Variants in APPL1 observed in about 807,000 individuals in gnomAD.
APPL1 encodes the protein DCC-interacting protein 13-alpha.
In APPL1, 42 loss-of-function variants were observed where a neutral mutation model predicts 106.8. The observed-to-expected ratio is 0.39, with a 90% CI of 0.31 to 0.51. The LOEUF (loss-of-function observed/expected upper bound fraction) is 0.51. Ranked by LOEUF, APPL1 falls within the 20% of genes least tolerant of loss-of-function variation. APPL1 has a pLI of 0.75. For synonymous variants in APPL1, 263 were observed against 281.8 expected, an observed-to-expected ratio of 0.93 and a Z score of 0.67; for missense variants, 769 against 858.2, an observed-to-expected ratio of 0.90 and a Z score of 1.30.
chr3:57,253,861 G>GTT, intron 13 of APPL1, 123 bp downstream of exon 13: 1 of 555,858 alleles, frequency 1.8e-6, no homozygotes, highest in Non-Finnish European at 2.6e-6. Context: ...TGAATGAGTA[G>GTT]CTTTTTTTTT....
In APPL1 at chr3:57,227,834, G is replaced by A. The variant is rs749769502; in HGVS notation, c.-50G>A. 3.4e-4 allele frequency: 483 copies of A among 1,421,210 alleles called. No individual in the cohort carries two copies. The highest frequency in any genetic ancestry group is 4.2e-4 in the Non-Finnish European group (449 of 1,078,082). 88.0% of individuals were successfully genotyped at this position (1,421,210 alleles called of 1,614,324 possible). A position where few individuals can be genotyped will look rare whatever the true frequency, so the allele number is the denominator to read the frequency against. On this transcript the variant is annotated 5_prime_UTR_variant, in exon 1 of 22. Transcript: ENST00000288266. Reference sequence around the variant, plus strand: ...GCTGCGGCGGGCGGGCCGGCGCGGGGAGCTGTGGGCGGCAGCTGCGTCTCC... The same window carrying A: ...GCTGCGGCGGGCGGGCCGGCGCGGGAAGCTGTGGGCGGCAGCTGCGTCTCC...
rs1020532881 is a variant in APPL1 at position 57,266,972 on chromosome 3, C to T, written c.1843-770C>T. Reference sequence around the variant, plus strand: ...CCATGTGTCTTATTTTTATAACAATCCCCTGCTGTTTTGCTTACTATAGCC... The same window carrying T: ...CCATGTGTCTTATTTTTATAACAATTCCCTGCTGTTTTGCTTACTATAGCC... On this transcript the variant is annotated intron_variant, in intron 19 of 21. Transcript: ENST00000288266. Among the ~76,000 whole-genome samples, 4 of 152,270 alleles carry T rather than the reference C, an allele frequency of 2.6e-5. No individual in the cohort carries two copies. In the East Asian group the frequency reaches 7.7e-4, roughly 29 times the overall value.
intron 7 of APPL1, among the ~76,000 whole-genome samples, 166 bp from the exon 8 acceptor site, chr3:57,245,910 T>C (rs545882798): frequency 6.6e-6 from 1 of 152,308 alleles, no homozygotes; most frequent in South Asian, 2.1e-4. Flanking sequence ...ACCAGTATGT[T>C]GAAGGATTTC....
Position 57,259,793 on chromosome 3 carries a change from G to A in APPL1, c.1484-52G>A, listed in dbSNP as rs556239155. The A allele has an allele frequency of 1.3e-4, 174 of 1,353,078 alleles. 1 individual carries two copies. The South Asian group carries it at 2.6e-3, about 20-fold the overall frequency. 83.8% of individuals were successfully genotyped at this position (1,353,078 alleles called of 1,614,324 possible). A position where few individuals can be genotyped will look rare whatever the true frequency, so the allele number is the denominator to read the frequency against. ...AGAAATATGGCGAAAAAAATAAAATGTAAATTTATACAGTAAAAAAAAAAT... is the reference window on the plus strand; with the variant it reads ...AGAAATATGGCGAAAAAAATAAAATATAAATTTATACAGTAAAAAAAAAAT... On this transcript the variant is annotated intron_variant, in intron 16 of 21. Transcript: ENST00000288266.
At chr3:57,254,108 C>T (rs2060821348) in intron 13 of APPL1, among the ~76,000 whole-genome samples, 1 of 152,190 alleles carries the variant, frequency 6.6e-6, no homozygotes, top group African/African-American at 2.4e-5. Context: ...GGTGATCTGG[C>T]CATCTCGGCC....
intron 19 of APPL1, among the ~76,000 whole-genome samples, chr3:57,262,945 G>A (rs1482145077): frequency 2.6e-5 from 4 of 151,164 alleles, no homozygotes; most frequent in Admixed American, 6.6e-5. Context: ...CCGCCCCCTC[G>A]GGTTTAAGCG....
At chr3:57,267,226 T>A (rs930258781) in intron 19 of APPL1, among the ~76,000 whole-genome samples, 2 of 152,226 alleles carry the variant, frequency 1.3e-5, no homozygotes, top group Non-Finnish European at 2.9e-5. Flanking sequence ...ATTCTAAGAT[T>A]TTTGGAAAAA....
chr3:57,255,041 CCA>C (rs2060827601), intron 13 of APPL1, among the ~76,000 whole-genome samples: 1 of 152,190 alleles, frequency 6.6e-6, no homozygotes, highest in Non-Finnish European at 1.5e-5. Context: ...GCGTGAATTC[CCA>C]GTTTTGCAAA....
At chr3:57,263,853 G>A (rs1416158684) in intron 19 of APPL1, among the ~76,000 whole-genome samples, 2 of 151,842 alleles carry the variant, frequency 1.3e-5, no homozygotes, top group Admixed American at 6.6e-5. Flanking sequence ...AGCAAACATG[G>A]GAGTGCAGAT....
rs890132826 is a variant in APPL1 at position 57,237,989 on chromosome 3, T to C, written c.214-56T>C. ...TTTAAAAATGTAAATTATAGTAATGTCATTCCCAAAAGACACAGCATTGAA... is the reference window on the plus strand; with the variant it reads ...TTTAAAAATGTAAATTATAGTAATGCCATTCCCAAAAGACACAGCATTGAA... On this transcript the variant is annotated intron_variant, in intron 3 of 21. Coordinates refer to ENST00000288266, the MANE Select transcript of APPL1 (RefSeq NM_012096.3). 3.0e-6 allele frequency: 4 copies of C among 1,319,122 alleles called. No individual in the cohort carries two copies. In the Admixed American group the frequency reaches 8.6e-5, roughly 28 times the overall value. 81.7% of individuals were successfully genotyped at this position (1,319,122 alleles called of 1,614,324 possible). A position where few individuals can be genotyped will look rare whatever the true frequency, so the allele number is the denominator to read the frequency against.
chr3:57,256,983 A>T lies in APPL1; in HGVS notation c.1179A>T (p.Ser393=), dbSNP rs2060840249. The change falls in exon 14 of 22, where the codon TCA becomes TCT. Residue 393 remains serine, a synonymous_variant. Transcript: ENST00000288266. ...PEETAARVNQ[S]ALEAVTPSPS... ...AAACTGCTGCACGAGTAAATCAATC[A>T]GCTCTGGAAGCTGTCACTCCTTCCC... The T allele has an allele frequency of 3.7e-6, 6 of 1,614,152 alleles. No homozygotes were observed. Among genetic ancestry groups the T allele is most frequent in the Non-Finnish European group, 5.1e-6 (6 of 1,180,000 alleles).
chr3:57,240,322 T>C, intron 4 of APPL1, 143 bp from the exon 5 acceptor site: 2 of 634,142 alleles, frequency 3.2e-6, no homozygotes, highest in Non-Finnish European at 5.4e-6. Flanking sequence ...CTATATAGTA[T>C]TTTGTACTAT....
Position 57,249,499 on chromosome 3 carries a change from T to C in APPL1, c.1003T>C (p.Cys335Arg), listed in dbSNP as rs762313071. Residue 335 changes from cysteine to arginine, a missense_variant, in exon 11 of 22, where the codon TGT becomes CGT. By Grantham distance (180) the Cys-to-Arg change is radical (BLOSUM62 -3). Coordinates refer to ENST00000288266, the MANE Select transcript of APPL1 (RefSeq NM_012096.3). ...CAACTGTTCAGTGATGGCTGTGGAC[T>C]GTGAAGACAGACGATATTGTTTTCA... ...IDNCSVMAVD[C>R]EDRRYCFQIT... 6.2e-7 allele frequency: 1 copy of C among 1,606,142 alleles called. No homozygotes were observed. Among genetic ancestry groups the C allele is most frequent in the Admixed American group, 1.7e-5 (1 of 57,576 alleles).
intron 7 of APPL1, among the ~76,000 whole-genome samples, chr3:57,243,429 G>A (rs912950864): frequency 1.3e-5 from 2 of 152,152 alleles, no homozygotes; most frequent in Admixed American, 6.5e-5. Flanking sequence ...TTTTTTGGGC[G>A]TGCCTTAAGA....
Position 57,234,083 on chromosome 3 carries a change from A to G in APPL1, c.55-1483A>G, listed in dbSNP as rs893941857. ...GGAGAAGAATGAGACCCTATCTCAA[A>G]CAACAACAGCGACACCCACAACAGT... On this transcript the variant is annotated intron_variant, in intron 1 of 21. Coordinates refer to ENST00000288266, the MANE Select transcript of APPL1 (RefSeq NM_012096.3). 2.0e-5 allele frequency among the ~76,000 whole-genome samples: 3 copies of G among 152,138 alleles called. No homozygotes were observed. The South Asian group carries it at 6.2e-4, about 32-fold the overall frequency.
intron 19 of APPL1, among the ~76,000 whole-genome samples, chr3:57,265,484 T>G (rs1269035197): frequency 6.6e-6 from 1 of 152,206 alleles, no homozygotes; most frequent in Admixed American, 6.5e-5. Flanking sequence ...TCACTTTGGT[T>G]AACTCCTGGG....
intron 10 of APPL1, 25 bp from the exon 11 acceptor site, chr3:57,249,335 G>C (rs2060791032): frequency 6.2e-7 from 1 of 1,611,522 alleles, no homozygotes; most frequent in Non-Finnish European, 8.5e-7. Flanking sequence ...TGTTATTAAA[G>C]AGTGAATGTG....
At chr3:57,247,564 C>G in intron 9 of APPL1, 87 bp downstream of exon 9, 4 of 875,616 alleles carry the variant, frequency 4.6e-6, no homozygotes, top group Non-Finnish European at 5.2e-6. Context: ...TTATCATTTA[C>G]TTTCCTGAGG....
At chr3:57,260,819 T>G (rs1008219878) in intron 19 of APPL1, 45 bp downstream of exon 19, 55 of 1,475,960 alleles carry the variant, frequency 3.7e-5, no homozygotes, top group Non-Finnish European at 4.7e-5. Context: ...ACTTACTAAT[T>G]GATTCTTACT....
Sources: gnomAD v4.1 joint callset for allele counts (sites outside exome capture counted in the v4.1 genomes callset) on GRCh38, gnomAD v4.1.1 for gene constraint, MANE v1.5 for transcripts, NCBI Gene and HGNC (gene_info 2026-07-23, HGNC 2026-07-21) for gene names.